NLRP5: variants seen among roughly 807,000 people sequenced by gnomAD.
NLRP5 encodes the protein NACHT, LRR and PYD domains-containing protein 5.
Under a neutral mutation model 113.1 loss-of-function variants are expected in NLRP5, and 93 were observed. The observed-to-expected ratio is 0.82, with a 90% CI of 0.70 to 0.98. The LOEUF is 0.98. NLRP5 is among the 50% of genes least tolerant of loss of function. The probability of loss-of-function intolerance (pLI) is 0.00; values close to 1 mark genes in which losing one functional copy is unlikely to be tolerated. For missense variants in NLRP5, 1,808 were observed against 1,514.3 expected (o/e 1.19, Z -3.22); for synonymous variants, 751 against 600.7 (o/e 1.25, Z -3.66).
At chr19:56,050,140 C>T (rs907220905) in intron 11 of NLRP5, among the ~76,000 whole-genome samples, 3 of 151,846 alleles carry the variant, frequency 2.0e-5, no homozygotes, top group Admixed American at 6.6e-5. Flanking sequence ...ATTAGCCAGG[C>T]GTGGTGGTGC....
chr19:56,018,030 T>G (rs1233080440), intron 4 of NLRP5, among the ~76,000 whole-genome samples: 1 of 152,188 alleles, frequency 6.6e-6, no homozygotes, highest in Non-Finnish European at 1.5e-5. Flanking sequence ...TATGACCCAT[T>G]TTTACACAGT....
At chr19:56,005,864 A>T (rs1369732761) in intron 2 of NLRP5, among the ~76,000 whole-genome samples, 2 of 152,152 alleles carry the variant, frequency 1.3e-5, no homozygotes, top group Non-Finnish European at 2.9e-5. Flanking sequence ...CTGACTCTCA[A>T]CCCCACCCAG....
At chr19:56,004,187 C>G (rs1347705878) in intron 2 of NLRP5, 92 bp downstream of exon 2, 1 of 1,346,792 alleles carries the variant, frequency 7.4e-7, no homozygotes. Context: ...CAGTAACCGG[C>G]TCCACCTCTG....
intron 9 of NLRP5, among the ~76,000 whole-genome samples, chr19:56,036,292 C>G (rs1356930389): frequency 2.0e-5 from 3 of 151,762 alleles, no homozygotes; most frequent in African/African-American, 7.3e-5. Flanking sequence ...TGGTCTCGAT[C>G]TCCTGACCTC....
upstream of NLRP5, among the ~76,000 whole-genome samples, chr19:55,998,057 C>T (rs529653365): frequency 1.4e-4 from 21 of 152,232 alleles, no homozygotes; most frequent in Admixed American, 4.6e-4. Flanking sequence ...GTAGCATACA[C>T]ACACACAGAA....
intron 6 of NLRP5, among the ~76,000 whole-genome samples, chr19:56,022,006 T>A (rs950691951): frequency 5.9e-5 from 9 of 152,198 alleles, no homozygotes; most frequent in Non-Finnish European, 1.0e-4. Flanking sequence ...ACCTGTGCAA[T>A]GTAATGTTGA....
intron 3 of NLRP5, among the ~76,000 whole-genome samples, chr19:56,015,524 T>C (rs2123287051): frequency 6.6e-6 from 1 of 152,330 alleles, no homozygotes; most frequent in South Asian, 2.1e-4. Context: ...TTACTGCCAG[T>C]GTATAGAAAT....
At position 56,005,303 on chromosome 19, in the gene NLRP5, A is replaced by G. The variant is rs552857901; in HGVS notation, c.442+1208A>G. 5.5e-5 allele frequency among the ~76,000 whole-genome samples: 8 copies of G among 146,510 alleles called. No individual in the cohort carries two copies. In the South Asian group the frequency reaches 1.7e-3, roughly 31 times the overall value. ...CACATATATTTTTATATATACACATATATATTTATATATACACACATATTT... is the reference window on the plus strand; with the variant it reads ...CACATATATTTTTATATATACACATGTATATTTATATATACACACATATTT... On this transcript the variant is annotated intron_variant, in intron 2 of 14. Coordinates refer to ENST00000390649, the MANE Select transcript of NLRP5 (RefSeq NM_153447.4).
At chr19:56,000,085 G>C (rs1212149160) in intron 1 of NLRP5, among the ~76,000 whole-genome samples, 3 of 151,066 alleles carry the variant, frequency 2.0e-5, no homozygotes, top group Admixed American at 2.0e-4. Context: ...CAGTTGTCCA[G>C]GGACTGCCAC....
In NLRP5 at chr19:56,027,782, CG is replaced by C; in HGVS notation, c.1551del (p.Arg518AlafsTer11). The C allele has an allele frequency of 1.2e-6, 2 of 1,613,994 alleles. No individual in the cohort carries two copies. The highest frequency in any genetic ancestry group is 8.5e-7 in the Non-Finnish European group (1 of 1,179,892). On this transcript the variant is annotated frameshift_variant, in exon 7 of 15. Coordinates refer to ENST00000390649, the MANE Select transcript of NLRP5 (RefSeq NM_153447.4). LOFTEE classifies it high-confidence loss of function. ...TCAGCTCACCCCTCGAGGCGTGGTC[CG>C]GCGCTGTCTCAATCTGGAGGAAAGA...
At chr19:55,997,828 A>G (rs1031049539), upstream of NLRP5, among the ~76,000 whole-genome samples, 128 of 151,580 alleles carry the variant, frequency 8.4e-4, 5 homozygotes, top group African/African-American at 2.7e-4. Flanking sequence ...GCACCACTGC[A>G]GTCCAGCCTG....
upstream of NLRP5, among the ~76,000 whole-genome samples, chr19:55,996,411 T>C (rs1981326782): frequency 6.6e-6 from 1 of 152,226 alleles, no homozygotes; most frequent in Non-Finnish European, 1.5e-5. Context: ...TGCAGGTTTG[T>C]TACATATGTA....
intron 6 of NLRP5, among the ~76,000 whole-genome samples, chr19:56,023,552 G>A (rs999891951): frequency 5.3e-5 from 8 of 152,178 alleles, no homozygotes; most frequent in South Asian, 2.1e-4. Flanking sequence ...AAATTGAAGC[G>A]ATGTGTAGAC....
Position 56,058,235 on chromosome 19 carries a change from T to G in NLRP5, c.3300-5T>G, listed in dbSNP as rs1984228423. The G allele has an allele frequency of 6.2e-7, 1 of 1,611,590 alleles. No individual in the cohort carries two copies. Reference sequence around the variant, plus strand: ...GGTTATTTTCTGGGTGTCCTGACCCTGCAGGTTGAAGGCATGTGGACTGAC... The same window carrying G: ...GGTTATTTTCTGGGTGTCCTGACCCGGCAGGTTGAAGGCATGTGGACTGAC... On this transcript the variant is annotated splice_polypyrimidine_tract_variant and splice_region_variant and intron_variant, in intron 13 of 14. Coordinates refer to ENST00000390649, the MANE Select transcript of NLRP5 (RefSeq NM_153447.4).
intron 4 of NLRP5, among the ~76,000 whole-genome samples, chr19:56,017,194 G>T (rs1243639431): frequency 6.6e-6 from 1 of 151,824 alleles, no homozygotes; most frequent in African/African-American, 2.4e-5. Flanking sequence ...TTTTTTCCTT[G>T]GTCAGTCTGG....
Position 56,038,202 on chromosome 19 carries a change from G to A in NLRP5, c.2786+7G>A, listed in dbSNP as rs760510903. 2 of 1,612,248 alleles carry A rather than the reference G, an allele frequency of 1.2e-6. No individual in the cohort carries two copies. Among genetic ancestry groups the A allele is most frequent in the African/African-American group, 2.7e-5 (2 of 74,880 alleles). On this transcript the variant is annotated splice_region_variant and intron_variant, in intron 10 of 14. Coordinates refer to ENST00000390649, the MANE Select transcript of NLRP5 (RefSeq NM_153447.4). ...GCGCCCTGCAGAAGCTGATGTGAGT[G>A]CCACTTCCTTTCCACCAGGATTATC...
rs1468063827 is a variant in NLRP5, at chr19:56,040,960, G to A, written c.2825G>A (p.Ser942Asn). Reference sequence around the variant, plus strand: ...GGCATCACAGCCACGGGTTGCCAGAGTCTGGCCTCAGCCCTCGTCAGCAAC... The same window carrying A: ...GGCATCACAGCCACGGGTTGCCAGAATCTGGCCTCAGCCCTCGTCAGCAAC... Residue 942 changes from serine (S) to asparagine (N), a missense_variant, in exon 11 of 15, where the codon AGT (serine) becomes AAT (asparagine). Physicochemically the swap from Ser to Asn is conservative, Grantham distance 46. Coordinates refer to ENST00000390649, the MANE Select transcript of NLRP5 (RefSeq NM_153447.4). 3.7e-6 allele frequency: 6 copies of A among 1,613,982 alleles called. No homozygotes were observed. In the East Asian group the frequency reaches 6.7e-5, roughly 18 times the overall value.
rs45596339 is a variant in NLRP5 at position 56,027,130 on chromosome 19, C to G, written c.897C>G (p.Ile299Met). ...GGAAATCGGCTCTAGCCAGAAGGAT[C>G]GTGCTGTGCTGGGCGCAAGGTGGAC... The change falls in exon 7 of 15, where the codon ATC (isoleucine) becomes ATG (methionine). Residue 299 changes from isoleucine (I) to methionine (M), a missense_variant. Transcript: ENST00000390649. 6.3e-6 allele frequency: 10 copies of G among 1,594,064 alleles called. No homozygotes were observed. Among genetic ancestry groups the G allele is most frequent in the Non-Finnish European group, 8.5e-6 (10 of 1,170,484 alleles).
intron 6 of NLRP5, among the ~76,000 whole-genome samples, chr19:56,021,385 T>A (rs1024517654): frequency 1.3e-5 from 2 of 152,174 alleles, no homozygotes; most frequent in Non-Finnish European, 2.9e-5. Context: ...TATGATTCAA[T>A]TATTTTTAGT....
Sources: gnomAD v4.1 joint callset for allele counts (sites outside exome capture counted in the v4.1 genomes callset) on GRCh38, gnomAD v4.1.1 for gene constraint, MANE v1.5 for transcripts, NCBI Gene and HGNC (gene_info 2026-07-23, HGNC 2026-07-21) for gene names.